Variants in RASAL2 observed in about 807,000 individuals in gnomAD.
The protein encoded by RASAL2 is RAS protein activator like 2, also known as ras GTPase-activating protein nGAP.
Under a neutral mutation model 128.9 loss-of-function variants are expected in RASAL2, and 58 were observed. The ratio of observed to expected loss-of-function variants is 0.45; its 90% CI spans 0.36 to 0.56. The LOEUF (loss-of-function observed/expected upper bound fraction) is 0.56. RASAL2 is among the 20% of genes least tolerant of loss of function. The pLI, the probability that RASAL2 is intolerant of heterozygous loss-of-function variation, is 0.00. For synonymous variants in RASAL2, 561 were observed against 580.8 expected (o/e 0.97, Z 0.49); for missense variants, 1,360 against 1,601.6 (o/e 0.85, Z 2.57).
At chr1:178,156,627 C>G (rs1344311190) in intron 1 of RASAL2, among the ~76,000 whole-genome samples, 1 of 152,088 alleles carries the variant, frequency 6.6e-6, no homozygotes, top group Non-Finnish European at 1.5e-5. Flanking sequence ...GTGTATACTT[C>G]TTTTTGAACC....
chr1:178,159,374 C>T (rs1027126261), intron 1 of RASAL2, among the ~76,000 whole-genome samples: 4 of 152,100 alleles, frequency 2.6e-5, no homozygotes, highest in Non-Finnish European at 5.9e-5. Flanking sequence ...AGGCCAGTCA[C>T]GCAATATGGA....
intron 3 of RASAL2, among the ~76,000 whole-genome samples, chr1:178,303,957 T>C (rs1308105141): frequency 1.3e-5 from 2 of 152,066 alleles, no homozygotes; most frequent in African/African-American, 2.4e-5. Context: ...GAATAGTGAT[T>C]GGGAGAAATA....
In RASAL2 at chr1:178,214,270, A is replaced by AGAATGAAT. The variant is rs527500791; in HGVS notation, c.203-69276_203-69269dup. ...GCCTGGATGACTGAGTGAGAACCTT[A>AGAATGAAT]GAATGAATGAATGAATGAATGAATG... On this transcript the variant is annotated intron_variant, in intron 1 of 17. Transcript: ENST00000367649. 1.2e-3 allele frequency among the ~76,000 whole-genome samples: 184 copies of AGAATGAAT among 152,154 alleles called. 1 individual carries two copies. The highest frequency in any genetic ancestry group is 3.8e-3 in the African/African-American group (158 of 41,484).
chr1:178,285,025 C>T (rs1666952113), intron 2 of RASAL2, among the ~76,000 whole-genome samples: 1 of 151,130 alleles, frequency 6.6e-6, no homozygotes. Flanking sequence ...TCTTTCTCAG[C>T]ATTTTTTAAT....
At chr1:178,230,041 A>G (rs767723979) in intron 1 of RASAL2, among the ~76,000 whole-genome samples, 10 of 152,056 alleles carry the variant, frequency 6.6e-5, no homozygotes, top group Non-Finnish European at 1.3e-4. Context: ...AGAACTTTGT[A>G]TAAATAGAAT....
At chr1:178,153,614 A>G (rs1344552461) in intron 1 of RASAL2, among the ~76,000 whole-genome samples, 1 of 152,160 alleles carries the variant, frequency 6.6e-6, no homozygotes, top group Admixed American at 6.5e-5. Flanking sequence ...TTTGAGGTTC[A>G]TCCATGTTGT....
In RASAL2 at chr1:178,390,443, G is replaced by A. The variant is rs186071320; in HGVS notation, c.564+237G>A. On this transcript the variant is annotated intron_variant, in intron 4 of 17. Transcript: ENST00000367649. The stretch of plus-strand genomic sequence containing the variant: ...CATCCAGGCTGGAGTGCAGTGGCGC[G>A]ATAACACTCACTGCAACCTCCCCCT... Among the ~76,000 whole-genome samples, 249 of 152,076 alleles carry A rather than the reference G, an allele frequency of 1.6e-3. 1 individual carries two copies. Among genetic ancestry groups the A allele is most frequent in the African/African-American group, 5.1e-3 (210 of 41,490 alleles).
intron 2 of RASAL2, among the ~76,000 whole-genome samples, chr1:178,287,292 C>G (rs974349579): frequency 6.6e-6 from 1 of 151,862 alleles, no homozygotes; most frequent in African/African-American, 2.4e-5. Flanking sequence ...GCCCATAATG[C>G]TGCTTGGCAA....
At chr1:178,369,074 G>T (rs771311642) in intron 3 of RASAL2, among the ~76,000 whole-genome samples, 59 of 152,222 alleles carry the variant, frequency 3.9e-4, no homozygotes, top group Non-Finnish European at 6.9e-4. Context: ...GCTTTGTTCG[G>T]ATTATAAAAA....
chr1:178,129,811 T>G (rs1660036213), intron 1 of RASAL2, among the ~76,000 whole-genome samples: 1 of 152,210 alleles, frequency 6.6e-6, no homozygotes, highest in Non-Finnish European at 1.5e-5. Flanking sequence ...CCAATTATCC[T>G]GACATCATTG....
At chr1:178,199,103 G>A (rs538607648) in intron 1 of RASAL2, among the ~76,000 whole-genome samples, 71 of 152,312 alleles carry the variant, frequency 4.7e-4, no homozygotes, top group Non-Finnish European at 7.4e-4. Flanking sequence ...CGTGGGACCC[G>A]CTGAGCCAGG....
In RASAL2 at chr1:178,233,987, A is replaced by T. The variant is rs570922378; in HGVS notation, c.203-49577A>T. Among the ~76,000 whole-genome samples, 29 of 152,362 alleles carry T rather than the reference A, an allele frequency of 1.9e-4. 1 individual carries two copies. The highest frequency in any genetic ancestry group is 7.0e-4 in the African/African-American group (29 of 41,586). On this transcript the variant is annotated intron_variant, in intron 1 of 17. Coordinates refer to ENST00000367649, the MANE Select transcript of RASAL2 (RefSeq NM_170692.4). ...AGGTGAAACATTTCATTTTCTCATTATAAAACAAATATATTTAATTAGCAC... is the reference window on the plus strand; with the variant it reads ...AGGTGAAACATTTCATTTTCTCATTTTAAAACAAATATATTTAATTAGCAC...
intron 12 of RASAL2, chr1:178,456,360 C>T: frequency 3.5e-6 from 1 of 289,626 alleles, no homozygotes; most frequent in Non-Finnish European, 6.7e-6. Context: ...CCACCCTCCC[C>T]CACCTTGATC....
At chr1:178,192,624 A>G (rs1049280058) in intron 1 of RASAL2, among the ~76,000 whole-genome samples, 2 of 152,186 alleles carry the variant, frequency 1.3e-5, no homozygotes, top group Non-Finnish European at 2.9e-5. Flanking sequence ...AGCTTCATCA[A>G]CTTCTCAATA....
intron 4 of RASAL2, chr1:178,411,579 G>A (rs1354053130): frequency 7.2e-6 from 5 of 693,770 alleles, no homozygotes; most frequent in Non-Finnish European, 1.3e-5. Flanking sequence ...AAAAAAATGA[G>A]TGGATGGAGA....
chr1:178,257,863 G>T (rs983189253), intron 1 of RASAL2, among the ~76,000 whole-genome samples: 7 of 118,968 alleles, frequency 5.9e-5, no homozygotes, highest in Non-Finnish European at 1.2e-4. Flanking sequence ...AAAAAAAAAA[G>T]AATTGATACA....
chr1:178,255,562 G>A (rs1184077548), intron 1 of RASAL2, among the ~76,000 whole-genome samples: 2 of 151,918 alleles, frequency 1.3e-5, no homozygotes, highest in East Asian at 3.8e-4. Flanking sequence ...ACAATAAAGT[G>A]GAGAAAGAGA....
At chr1:178,149,338 T>C (rs1385031870) in intron 1 of RASAL2, among the ~76,000 whole-genome samples, 2 of 152,190 alleles carry the variant, frequency 1.3e-5, no homozygotes, top group African/African-American at 4.8e-5. Context: ...TCTGATTAAG[T>C]AAAACATAAC....
At chr1:178,226,959 A>T (rs10913519) in intron 1 of RASAL2, among the ~76,000 whole-genome samples, 12,073 of 152,156 alleles carry the variant, frequency 0.079, 547 homozygotes, top group Middle Eastern at 0.14. Flanking sequence ...AGACAAACAA[A>T]CAAACAAAAC....
Sources: allele counts gnomAD v4.1 joint callset (sites outside exome capture counted in the v4.1 genomes callset), GRCh38; gene constraint gnomAD v4.1.1; transcripts MANE v1.5; gene names NCBI Gene and HGNC (gene_info 2026-07-23, HGNC 2026-07-21).